Variants in LINGO2 observed in about 807,000 individuals in gnomAD.
LINGO2 encodes the protein leucine rich repeat and Ig domain containing 2, also known as leucine-rich repeat and immunoglobulin-like domain-containing nogo receptor-interacting protein 2.
LINGO2 carries 14 observed loss-of-function variants against 30.6 expected under a neutral mutation model. That is an observed-to-expected ratio of 0.46 (90% confidence interval 0.30 to 0.72). The LOEUF (loss-of-function observed/expected upper bound fraction) is 0.72, where lower values mean the gene tolerates loss of function less well. LINGO2 is among the 30% of genes least tolerant of loss of function. The probability of loss-of-function intolerance (pLI) is 0.07; values close to 1 mark genes in which losing one functional copy is unlikely to be tolerated. For synonymous variants in LINGO2, 317 were observed against 288.5 expected (o/e 1.10, Z -1.00); for missense variants, 729 against 751.7 (o/e 0.97, Z 0.35).
At chr9:28,299,019 G>A (rs984715965) in intron 3 of LINGO2, among the ~76,000 whole-genome samples, 1 of 152,168 alleles carries the variant, frequency 6.6e-6, no homozygotes, top group South Asian at 2.1e-4. Context: ...ATACCTTATT[G>A]CTTTGAAGAA....
chr9:29,085,323 A>T, the LINGO2 span, among the ~76,000 whole-genome samples: 2 of 150,116 alleles, frequency 1.3e-5, no homozygotes, highest in Non-Finnish European at 3.0e-5. Context: ...AATAAATTAA[A>T]CCATTGGAAA....
chr9:28,419,000 T>A (rs1823081166), intron 2 of LINGO2, among the ~76,000 whole-genome samples: 1 of 152,146 alleles, frequency 6.6e-6, no homozygotes, highest in Admixed American at 6.6e-5. Context: ...CATTTTCTAA[T>A]TTTGATCAGT....
At chr9:29,062,041 C>T in the LINGO2 span, among the ~76,000 whole-genome samples, 6,301 of 151,946 alleles carry the variant, frequency 0.041, 200 homozygotes, top group Admixed American at 0.083. Flanking sequence ...AAAACAGATA[C>T]GCAAATGGAA....
chr9:28,710,400 G>A, the LINGO2 span, among the ~76,000 whole-genome samples: 19,969 of 151,932 alleles, frequency 0.13, 1,561 homozygotes, highest in Admixed American at 0.27. Context: ...CAAATGGACT[G>A]ACATCTTATA....
At chr9:29,169,050 T>C in the LINGO2 span, among the ~76,000 whole-genome samples, 2 of 152,128 alleles carry the variant, frequency 1.3e-5, no homozygotes, top group Non-Finnish European at 2.9e-5. Context: ...CAGGTTTAAG[T>C]GATTCTCCTG....
chr9:28,405,724 C>T (rs776232461), intron 2 of LINGO2, among the ~76,000 whole-genome samples: 1 of 152,162 alleles, frequency 6.6e-6, no homozygotes, highest in Non-Finnish European at 1.5e-5. Context: ...AGACAAACTT[C>T]TCTTTCTATC....
chr9:28,994,215 G>A, the LINGO2 span, among the ~76,000 whole-genome samples: 145 of 152,156 alleles, frequency 9.5e-4, no homozygotes, highest in Non-Finnish European at 1.6e-3. Context: ...GCATTCTTAT[G>A]CACCAATAAC....
intron 4 of LINGO2, among the ~76,000 whole-genome samples, chr9:28,093,148 G>A (rs1403782247): frequency 6.6e-6 from 1 of 152,012 alleles, no homozygotes; most frequent in African/African-American, 2.4e-5. Flanking sequence ...CCAGGGTTCT[G>A]CTTTTCAATT....
intron 1 of LINGO2, among the ~76,000 whole-genome samples, chr9:28,524,650 G>C (rs1282408549): frequency 6.6e-6 from 1 of 152,148 alleles, no homozygotes; most frequent in African/African-American, 2.4e-5. Flanking sequence ...CTACTCGGGA[G>C]GCTAAGGCAG....
intron 4 of LINGO2, among the ~76,000 whole-genome samples, chr9:28,035,624 T>TGCA (rs1587737052): frequency 6.6e-6 from 1 of 152,216 alleles, no homozygotes; most frequent in Non-Finnish European, 1.5e-5. Context: ...GTGAAAACAT[T>TGCA]TAAGTATCTT....
At chr9:28,367,930 CT>C (rs1820740976) in intron 3 of LINGO2, among the ~76,000 whole-genome samples, 1 of 151,804 alleles carries the variant, frequency 6.6e-6, no homozygotes, top group African/African-American at 2.4e-5. Context: ...TTTTTTTCAA[CT>C]TTCTGGAAAC....
At chr9:27,962,384 A>T (rs1819890591) in intron 5 of LINGO2, among the ~76,000 whole-genome samples, 1 of 152,258 alleles carries the variant, frequency 6.6e-6, no homozygotes, top group Middle Eastern at 3.4e-3. Context: ...TCTGCCACGG[A>T]AGACAGTATC....
the LINGO2 span, among the ~76,000 whole-genome samples, chr9:28,764,342 G>T: frequency 6.6e-6 from 1 of 151,824 alleles, no homozygotes; most frequent in Non-Finnish European, 1.5e-5. Flanking sequence ...GGGATGCAAA[G>T]TTGCTTGAAC....
chr9:28,540,560 C>T (rs756474526), intron 1 of LINGO2, among the ~76,000 whole-genome samples: 1 of 152,100 alleles, frequency 6.6e-6, no homozygotes, highest in African/African-American at 2.4e-5. Flanking sequence ...CCACACTTGG[C>T]CCATTTTTCA....
chr9:28,022,643 C>A (rs1018697276), intron 4 of LINGO2, among the ~76,000 whole-genome samples: 1 of 151,556 alleles, frequency 6.6e-6, no homozygotes, highest in African/African-American at 2.4e-5. Flanking sequence ...GCATAACTCT[C>A]TTCTTTTTCT....
chr9:28,089,762 T>TTC (rs1826021062), intron 4 of LINGO2, among the ~76,000 whole-genome samples: 1 of 152,072 alleles, frequency 6.6e-6, no homozygotes, highest in South Asian at 2.1e-4. Flanking sequence ...TTCAAAAAAA[T>TTC]CAATGAATCC....
chr9:28,026,525 A>G (rs1485275512), intron 4 of LINGO2, among the ~76,000 whole-genome samples: 3 of 152,158 alleles, frequency 2.0e-5, no homozygotes, highest in African/African-American at 7.2e-5. Flanking sequence ...CCACATAATA[A>G]TGTAAAGTCT....
the LINGO2 span, among the ~76,000 whole-genome samples, chr9:28,856,375 A>T: frequency 6.6e-6 from 1 of 152,014 alleles, no homozygotes; most frequent in East Asian, 1.9e-4. Context: ...CTTACAGTGT[A>T]GCAGGAGAGA....
At chr9:29,104,249 G>A in the LINGO2 span, among the ~76,000 whole-genome samples, 1 of 152,098 alleles carries the variant, frequency 6.6e-6, no homozygotes, top group African/African-American at 2.4e-5. Context: ...TTGGGGAAGG[G>A]ACCTGTTGGG....
Sources: allele counts gnomAD v4.1 joint callset (sites outside exome capture counted in the v4.1 genomes callset), GRCh38; gene constraint gnomAD v4.1.1; transcripts MANE v1.5; gene names NCBI Gene and HGNC (gene_info 2026-07-23, HGNC 2026-07-21).